The following KAZN variants were observed in gnomAD, a reference collection of about 807,000 sequenced individuals.
KAZN encodes kazrin, periplakin interacting protein.
In KAZN, 40 loss-of-function variants were observed where a neutral mutation model predicts 87.4. The ratio of observed to expected loss-of-function variants is 0.46; its 90% CI spans 0.36 to 0.60. KAZN has a LOEUF of 0.60. Ranked by LOEUF, KAZN falls within the 20% of genes least tolerant of loss-of-function variation. The pLI, the probability that KAZN is intolerant of heterozygous loss-of-function variation, is 0.00. For missense variants in KAZN, 898 were observed against 1,073.9 expected, an observed-to-expected ratio of 0.84 and a Z score of 2.29; for synonymous variants, 466 against 458.3, an observed-to-expected ratio of 1.02 and a Z score of -0.22.
intron 3 of KAZN, among the ~76,000 whole-genome samples, chr1:15,043,155 T>A (rs538514217): frequency 7.9e-5 from 12 of 152,168 alleles, no homozygotes; most frequent in Non-Finnish European, 1.3e-4. Flanking sequence ...ACACAGCAAC[T>A]GTTTCTCTCA....
At position 14,832,113 on chromosome 1, in the gene KAZN, T is replaced by C. The variant is rs1234954572; in HGVS notation, c.227-128571T>C. Reference sequence around the variant, plus strand: ...TGAGAGGCTGAGGCAGGAGAATCACTTGAACCCAGGAGGCAGAGGTTGCAG... The same window carrying C: ...TGAGAGGCTGAGGCAGGAGAATCACCTGAACCCAGGAGGCAGAGGTTGCAG... On this transcript the variant is annotated intron_variant, in intron 1 of 14. Coordinates refer to ENST00000376030, the MANE Select transcript of KAZN (RefSeq NM_201628.3). Among the ~76,000 whole-genome samples the C allele has an allele frequency of 2.0e-5, 3 of 151,988 alleles. No individual in the cohort carries two copies. The South Asian group carries it at 6.2e-4, about 32-fold the overall frequency.
At chr1:14,846,785 A>T (rs773477571) in intron 1 of KAZN, among the ~76,000 whole-genome samples, 12 of 152,198 alleles carry the variant, frequency 7.9e-5, no homozygotes, top group Non-Finnish European at 1.5e-4. Context: ...CCTGCCAGGC[A>T]GTAACTTAAG....
At chr1:14,234,981 C>T (rs1331197256) in intron 2 of KAZN, among the ~76,000 whole-genome samples, 1 of 152,190 alleles carries the variant, frequency 6.6e-6, no homozygotes. Context: ...TTTGGTAGCT[C>T]CTGAAAATGT....
chr1:14,836,144 G>C (rs78437744), intron 1 of KAZN, among the ~76,000 whole-genome samples: 7,536 of 152,234 alleles, frequency 0.05, 251 homozygotes, highest in African/African-American at 0.09. Context: ...TGAGAGAAGA[G>C]GGGACAGAAG....
intron 1 of KAZN, among the ~76,000 whole-genome samples, chr1:14,734,470 A>AT (rs911699016): frequency 6.0e-5 from 9 of 151,212 alleles, no homozygotes; most frequent in East Asian, 1.9e-4. Flanking sequence ...CGCTCGACTA[A>AT]TTTTTTTTTA....
At chr1:14,332,886 T>A (rs1292962647) in intron 2 of KAZN, among the ~76,000 whole-genome samples, 1 of 152,202 alleles carries the variant, frequency 6.6e-6, no homozygotes, top group African/African-American at 2.4e-5. Context: ...TTGTTGTTTT[T>A]TCTTTTTAAG....
At chr1:13,901,969 T>C (rs903479778) in intron 1 of KAZN, among the ~76,000 whole-genome samples, 1 of 152,252 alleles carries the variant, frequency 6.6e-6, no homozygotes, top group Non-Finnish European at 1.5e-5. Context: ...AAGAAACACA[T>C]AGCCTCAAGG....
In KAZN at chr1:14,362,008, AG is replaced by A. The variant is rs544968404; in HGVS notation, c.249+181421del. On this transcript the variant is annotated intron_variant, in intron 2 of 16. Coordinates refer to the KAZN transcript ENST00000636203. ...GGGAACAAGGAAAGGTCCTGTAGCC[AG>A]GGGGTCAATGGCACATTTCAGAAAC... Among the ~76,000 whole-genome samples the A allele has an allele frequency of 2.3e-3, 347 of 152,348 alleles. 1 individual carries two copies. The highest frequency in any genetic ancestry group is 7.4e-3 in the African/African-American group (308 of 41,582).
chr1:14,331,713 A>G (rs1656870656), intron 2 of KAZN, among the ~76,000 whole-genome samples: 1 of 152,076 alleles, frequency 6.6e-6, no homozygotes, highest in African/African-American at 2.4e-5. Flanking sequence ...AAAAACTAGA[A>G]CCTTCATCTA....
chr1:14,180,334 CT>C (rs1646170274), intron 1 of KAZN: 1 of 1,022,186 alleles, frequency 9.8e-7, no homozygotes, highest in African/African-American at 1.6e-5. Flanking sequence ...TGGCTTAGAC[CT>C]TGTATGTACA....
chr1:14,427,827 A>C (rs1665825288), intron 2 of KAZN, among the ~76,000 whole-genome samples: 1 of 152,228 alleles, frequency 6.6e-6, no homozygotes, highest in South Asian at 2.1e-4. Flanking sequence ...GTTCTCATTA[A>C]TGTAAATTAT....
At chr1:14,232,285 T>TG (rs1342861479) in intron 2 of KAZN, among the ~76,000 whole-genome samples, 1 of 152,088 alleles carries the variant, frequency 6.6e-6, no homozygotes, top group Non-Finnish European at 1.5e-5. Flanking sequence ...ATTGCAGAGG[T>TG]GGGGGCAGCG....
At chr1:14,815,979 GC>G (rs1205263506) in intron 1 of KAZN, among the ~76,000 whole-genome samples, 8 of 152,176 alleles carry the variant, frequency 5.3e-5, no homozygotes, top group African/African-American at 1.9e-4. Flanking sequence ...TCTGGGAAGT[GC>G]CCTTGGTGAC....
intron 1 of KAZN, among the ~76,000 whole-genome samples, chr1:14,173,609 T>G (rs1375653341): frequency 6.6e-6 from 1 of 151,674 alleles, no homozygotes; most frequent in Non-Finnish European, 1.5e-5. Context: ...CAGCTGGGAG[T>G]GGTAAATTGT....
At chr1:13,953,306 G>A (rs1049312376) in intron 1 of KAZN, among the ~76,000 whole-genome samples, 29 of 152,172 alleles carry the variant, frequency 1.9e-4, no homozygotes, top group Non-Finnish European at 3.5e-4. Context: ...TTTTTGGCCC[G>A]TGGAGTACTT....
chr1:14,236,088 A>C (rs1648395540), intron 2 of KAZN, among the ~76,000 whole-genome samples: 1 of 146,924 alleles, frequency 6.8e-6, no homozygotes, highest in Non-Finnish European at 1.5e-5. Flanking sequence ...GAATACAAGA[A>C]AGATAAAAAT....
At chr1:14,711,456 C>T (rs12143402) in intron 1 of KAZN, among the ~76,000 whole-genome samples, 55,260 of 151,978 alleles carry the variant, frequency 0.36, 11,108 homozygotes, top group East Asian at 0.54. Flanking sequence ...AAGAAAGGCA[C>T]GACACGCAGG....
intron 1 of KAZN, among the ~76,000 whole-genome samples, chr1:14,755,086 GC>G (rs1557455936): frequency 4.0e-5 from 2 of 49,998 alleles, no homozygotes; most frequent in Non-Finnish European, 3.8e-5. Context: ...TACTAAAAAT[GC>G]AAAAAAAAAA....
intron 1 of KAZN, among the ~76,000 whole-genome samples, chr1:14,070,586 C>T (rs1405963859): frequency 6.6e-6 from 1 of 152,152 alleles, no homozygotes; most frequent in African/African-American, 2.4e-5. Flanking sequence ...GTGCTGTGGC[C>T]ACCATTATTG....
Sources: gnomAD v4.1 joint callset for allele counts (sites outside exome capture counted in the v4.1 genomes callset) on GRCh38, gnomAD v4.1.1 for gene constraint, MANE v1.5 for transcripts, NCBI Gene and HGNC (gene_info 2026-07-23, HGNC 2026-07-21) for gene names.